FAM110B: variants seen among roughly 807,000 people sequenced by gnomAD.
The protein encoded by FAM110B is family with sequence similarity 110 member B.
Under a neutral mutation model 20.4 loss-of-function variants are expected in FAM110B, and 6 were observed. The observed-to-expected ratio is 0.29, with a 90% CI of 0.16 to 0.58. FAM110B has a LOEUF of 0.58. Ranked by LOEUF, FAM110B falls within the 20% of genes least tolerant of loss-of-function variation. FAM110B has a pLI of 0.90. For synonymous variants in FAM110B, 226 were observed against 214.1 expected (o/e 1.06, Z -0.49); for missense variants, 434 against 498.2 (o/e 0.87, Z 1.23).
intron 3 of FAM110B, among the ~76,000 whole-genome samples, chr8:58,121,796 C>T (rs1563377604): frequency 6.6e-6 from 1 of 152,168 alleles, no homozygotes; most frequent in Admixed American, 6.6e-5. Context: ...CATGTGTGCT[C>T]ATACAGACCT....
At chr8:58,096,147 A>G (rs758371605) in intron 3 of FAM110B, among the ~76,000 whole-genome samples, 1 of 152,124 alleles carries the variant, frequency 6.6e-6, no homozygotes, top group Admixed American at 6.6e-5. Context: ...TGAACATGAC[A>G]TGGGTCTCCT....
chr8:58,056,407 A>G (rs1805549272), intron 2 of FAM110B, among the ~76,000 whole-genome samples: 2 of 152,186 alleles, frequency 1.3e-5, no homozygotes, highest in African/African-American at 2.4e-5. Flanking sequence ...GTTAAAATCT[A>G]TTTAACTTAA....
At chr8:58,107,129 C>T (rs1432594747) in intron 3 of FAM110B, among the ~76,000 whole-genome samples, 1 of 151,594 alleles carries the variant, frequency 6.6e-6, no homozygotes, top group Non-Finnish European at 1.5e-5. Context: ...TTTTATGTTA[C>T]TGAAAAATTA....
chr8:58,021,904 T>C (rs1804763050), intron 1 of FAM110B, among the ~76,000 whole-genome samples: 1 of 152,188 alleles, frequency 6.6e-6, no homozygotes, highest in African/African-American at 2.4e-5. Flanking sequence ...GAAAGTTCAA[T>C]CTGCGGTGAA....
rs140524173 is a variant in FAM110B, at chr8:58,146,283, C to T, written c.53C>T (p.Ala18Val). The T allele has an allele frequency of 3.3e-4, 525 of 1,613,336 alleles. 1 individual carries two copies. The highest frequency in any genetic ancestry group is 6.2e-4 in the Admixed American group (37 of 59,994). The change falls in exon 4 of 4, where the codon GCG (alanine) becomes GTG (valine). Residue 18 changes from alanine (A) to valine (V), a missense_variant. Coordinates refer to ENST00000519262, the MANE Select transcript of FAM110B (RefSeq NM_001377989.1). ...TGSMVKPVSP[A>V]GTFTSAVPLR... ...AGCATGGTGAAGCCGGTCAGCCCCG[C>T]GGGCACCTTCACCTCTGCTGTGCCC... is the stretch of plus-strand genomic sequence containing the variant.
At chr8:58,039,996 C>T (rs1218999993) in intron 2 of FAM110B, among the ~76,000 whole-genome samples, 1 of 146,368 alleles carries the variant, frequency 6.8e-6, no homozygotes, top group Non-Finnish European at 1.5e-5. Context: ...AAATCTTTTA[C>T]ATTTTTAATT....
intron 1 of FAM110B, 124 bp downstream of exon 1, chr8:57,994,930 A>C (rs1337999339): frequency 2.0e-5 from 3 of 152,000 alleles, no homozygotes; most frequent in Admixed American, 2.0e-4. Context: ...GGCGGCGCGG[A>C]GCTAAGCCGG....
intron 2 of FAM110B, among the ~76,000 whole-genome samples, chr8:58,055,660 A>G (rs961329395): frequency 6.6e-6 from 1 of 152,178 alleles, no homozygotes; most frequent in African/African-American, 2.4e-5. Flanking sequence ...TTTTCTTCTA[A>G]GGTGCACGGG....
intron 2 of FAM110B, among the ~76,000 whole-genome samples, chr8:58,061,381 A>C (rs1805655381): frequency 6.6e-6 from 1 of 152,178 alleles, no homozygotes; most frequent in African/African-American, 2.4e-5. Context: ...TTGAGTATGC[A>C]AACCACTTGT....
chr8:57,998,216 C>T (rs563154699), intron 1 of FAM110B, among the ~76,000 whole-genome samples: 26 of 152,286 alleles, frequency 1.7e-4, no homozygotes, highest in African/African-American at 6.0e-4. Flanking sequence ...TGTTAAAGAT[C>T]ACTTGTTTTA....
chr8:58,038,617 G>A (rs940094730), intron 2 of FAM110B, among the ~76,000 whole-genome samples: 2 of 151,948 alleles, frequency 1.3e-5, no homozygotes, highest in Admixed American at 1.3e-4. Flanking sequence ...CCAGGTGTAG[G>A]GGCACAGGCC....
intron 3 of FAM110B, among the ~76,000 whole-genome samples, chr8:58,133,026 TA>T (rs1207176993): frequency 1.3e-5 from 2 of 151,908 alleles, no homozygotes; most frequent in African/African-American, 2.4e-5. Flanking sequence ...TGGAATCATG[TA>T]AAAAAAAGTA....
intron 2 of FAM110B, among the ~76,000 whole-genome samples, chr8:58,053,591 A>C (rs1805496184): frequency 6.6e-6 from 1 of 152,228 alleles, no homozygotes; most frequent in Admixed American, 6.5e-5. Context: ...GGAGGTCATT[A>C]GCATATTTAT....
intron 2 of FAM110B, among the ~76,000 whole-genome samples, chr8:58,071,183 A>T (rs888171912): frequency 7.2e-5 from 11 of 152,230 alleles, no homozygotes; most frequent in African/African-American, 2.7e-4. Context: ...GGTACATTCT[A>T]AAAGAAAAAT....
chr8:58,027,551 T>G (rs556611060), intron 1 of FAM110B, among the ~76,000 whole-genome samples: 2 of 152,258 alleles, frequency 1.3e-5, no homozygotes, highest in South Asian at 4.2e-4. Flanking sequence ...AATCTTGAAA[T>G]AGAACATCTC....
At chr8:58,051,215 G>A (rs1474738286) in intron 2 of FAM110B, among the ~76,000 whole-genome samples, 1 of 152,190 alleles carries the variant, frequency 6.6e-6, no homozygotes, top group Admixed American at 6.5e-5. Flanking sequence ...ACTGACTCTT[G>A]TTAAGGGCTT....
intron 3 of FAM110B, among the ~76,000 whole-genome samples, chr8:58,097,777 T>C (rs1429165505): frequency 2.6e-5 from 4 of 152,230 alleles, no homozygotes; most frequent in Non-Finnish European, 5.9e-5. Flanking sequence ...TTTCTGTTTG[T>C]TAGTTTTCCC....
chr8:58,015,644 G>A (rs1219963570), intron 1 of FAM110B, among the ~76,000 whole-genome samples: 2 of 151,900 alleles, frequency 1.3e-5, no homozygotes, highest in Non-Finnish European at 2.9e-5. Flanking sequence ...TCAGGAGTTC[G>A]AGACCAGCCT....
At chr8:58,112,886 C>T (rs1315385906) in intron 3 of FAM110B, among the ~76,000 whole-genome samples, 1 of 152,210 alleles carries the variant, frequency 6.6e-6, no homozygotes, top group African/African-American at 2.4e-5. Context: ...ATACCATACC[C>T]TTGAGTAGCT....
Sources: gnomAD v4.1 joint callset for allele counts (sites outside exome capture counted in the v4.1 genomes callset) on GRCh38, gnomAD v4.1.1 for gene constraint, MANE v1.5 for transcripts, NCBI Gene and HGNC (gene_info 2026-07-23, HGNC 2026-07-21) for gene names.